TNS1: variants seen among roughly 807,000 people sequenced by gnomAD.
TNS1 encodes the protein tensin 1.
TNS1 carries 62 observed loss-of-function variants against 168.6 expected under a neutral mutation model. The ratio of observed to expected loss-of-function variants is 0.37; its 90% CI spans 0.30 to 0.45. The LOEUF (loss-of-function observed/expected upper bound fraction) is 0.45, where lower values mean the gene tolerates loss of function less well. Ranked by LOEUF, TNS1 falls within the 20% of genes least tolerant of loss-of-function variation. The pLI, the probability that TNS1 is intolerant of heterozygous loss-of-function variation, is 1.00. For missense variants in TNS1, 2,240 were observed against 2,339.4 expected (o/e 0.96, Z 0.88); for synonymous variants, 934 against 933.2 (o/e 1.00, Z -0.02).
intron 1 of TNS1, among the ~76,000 whole-genome samples, chr2:218,018,896 G>A (rs970439758): frequency 3.3e-5 from 5 of 152,120 alleles, no homozygotes; most frequent in Non-Finnish European, 7.4e-5. Flanking sequence ...TGCCCGCATG[G>A]TGAAACTCCA....
In TNS1 at chr2:217,986,599, T is replaced by G. The variant is rs1383574545; in HGVS notation, c.148+4343A>C. 1.3e-5 allele frequency: 2 copies of G among 152,180 alleles called. No individual in the cohort carries two copies. The highest frequency in any genetic ancestry group is 3.9e-4 in the East Asian group (2 of 5,194). The allele number at this position is 152,180 out of a possible 1,614,324, so 9.4% of individuals were successfully genotyped here. Reference sequence around the variant, plus strand: ...CATGGACTCCCATAGAGCACTTCCCTAGAGACCTGTGGGAAGCCGACTATT... The same window carrying G: ...CATGGACTCCCATAGAGCACTTCCCGAGAGACCTGTGGGAAGCCGACTATT... On this transcript the variant is annotated intron_variant, in intron 2 of 32. Transcript: ENST00000682258. This position sits in a 1 kb window ranked among gnomAD's most constrained non-coding sequence, Gnocchi z 4.7.
Position 217,817,955 on chromosome 2 carries a change from G to A in TNS1, c.4377C>T (p.Val1459=), listed in dbSNP as rs745978755. 6.2e-7 allele frequency: 1 copy of A among 1,608,770 alleles called. No individual in the cohort carries two copies. The highest frequency in any genetic ancestry group is 1.7e-5 in the Admixed American group (1 of 59,050). ...YQAPSTPSFP[V]SPAYYPGLSS... is the part of the protein sequence containing the mutation. ...TCAGGCCAGGGTAGTAGGCAGGGGA[G>A]ACAGGGAAGGAGGGCGTGGAAGGAG... The change falls in exon 24 of 33, where the codon GTC becomes GTT. Residue 1459 remains valine (V), a synonymous_variant. Transcript: ENST00000682258.
At chr2:217,854,357 G>A (rs1445149308) in intron 18 of TNS1, among the ~76,000 whole-genome samples, 1 of 152,216 alleles carries the variant, frequency 6.6e-6, no homozygotes, top group Non-Finnish European at 1.5e-5. Flanking sequence ...AGTGAAGACA[G>A]ACCCTTCCCT....
At position 217,817,748 on chromosome 2, in the gene TNS1, C is replaced by G; in HGVS notation, c.4584G>C (p.Gly1528=). 1.2e-6 allele frequency: 2 copies of G among 1,612,882 alleles called. No homozygotes were observed. Among genetic ancestry groups the G allele is most frequent in the South Asian group, 2.2e-5 (2 of 91,016 alleles). ...TGTGGGAGAAGGAGACGGTGCTGCC[C>G]CCACTGGGACTGGACATGCCGCTGG... is the stretch of plus-strand genomic sequence containing the variant. ...PVASGMSSPS[G]GSTVSFSHTL... Residue 1528 remains glycine, a synonymous_variant, in exon 24 of 33, where the codon GGG becomes GGC. Coordinates refer to ENST00000682258, the MANE Select transcript of TNS1 (RefSeq NM_001387777.1).
intron 2 of TNS1, among the ~76,000 whole-genome samples, chr2:217,982,473 A>G (rs1416934041): frequency 6.9e-6 from 1 of 145,640 alleles, no homozygotes; most frequent in African/African-American, 2.6e-5. Flanking sequence ...GCACAATCTC[A>G]GTTCACTGCA....
At chr2:218,010,939 C>G (rs962343839), upstream of TNS1, among the ~76,000 whole-genome samples, 1 of 152,180 alleles carries the variant, frequency 6.6e-6, no homozygotes, top group African/African-American at 2.4e-5. Flanking sequence ...CAACCTCTGA[C>G]CCTGGCCACA....
At chr2:218,007,570 G>GT (rs989643788), upstream of TNS1, among the ~76,000 whole-genome samples, 4 of 127,298 alleles carry the variant, frequency 3.1e-5, no homozygotes, top group Non-Finnish European at 6.9e-5. Flanking sequence ...GGGGGGTGGG[G>GT]GGGGGGGTTC....
intron 3 of TNS1, among the ~76,000 whole-genome samples, chr2:217,965,535 C>T (rs1957604243): frequency 6.6e-6 from 1 of 152,148 alleles, no homozygotes; most frequent in Non-Finnish European, 1.5e-5. Context: ...GCTTGGGAGG[C>T]TCAGAGAACT....
rs1204617850 is a variant in TNS1, at chr2:217,801,767, G to A, written c.*2692C>T. 2.0e-5 allele frequency: 3 copies of A among 152,302 alleles called. No individual in the cohort carries two copies. Among genetic ancestry groups the A allele is most frequent in the African/African-American group, 7.2e-5 (3 of 41,470 alleles). 9.4% of individuals were successfully genotyped at this position (152,302 alleles called of 1,614,324 possible). A position where few individuals can be genotyped will look rare whatever the true frequency, so the allele number is the denominator to read the frequency against. On this transcript the variant is annotated 3_prime_UTR_variant, in exon 33 of 33. Transcript: ENST00000682258. ...GAAGGGCTCTGGTGCAGGGCCCAGAGGTGGGGCCACTGTGGGGACTGGGGA... is the reference window on the plus strand; with the variant it reads ...GAAGGGCTCTGGTGCAGGGCCCAGAAGTGGGGCCACTGTGGGGACTGGGGA...
At chr2:217,895,118 A>G in intron 8 of TNS1, 62 bp from the exon 9 acceptor site, 2 of 1,506,026 alleles carry the variant, frequency 1.3e-6, no homozygotes, top group South Asian at 2.4e-5. Context: ...GCGAGGAGAG[A>G]GAGAACCATG....
upstream of TNS1, among the ~76,000 whole-genome samples, chr2:218,015,131 C>T (rs1958746321): frequency 1.3e-5 from 2 of 152,134 alleles, no homozygotes; most frequent in African/African-American, 2.4e-5. Flanking sequence ...TGAAACAGCT[C>T]CCCAATATAG....
At chr2:217,953,657 C>T (rs2125983785) in intron 3 of TNS1, among the ~76,000 whole-genome samples, 1 of 152,238 alleles carries the variant, frequency 6.6e-6, no homozygotes, top group South Asian at 2.1e-4. Context: ...GCCAAAGAGC[C>T]CGCTCCCACC....
At chr2:217,842,842 T>C (rs1253783306) in intron 19 of TNS1, among the ~76,000 whole-genome samples, 1 of 152,210 alleles carries the variant, frequency 6.6e-6, no homozygotes, top group African/African-American at 2.4e-5. Context: ...CTGCACTTGT[T>C]GCTCCATGGG....
intron 3 of TNS1, among the ~76,000 whole-genome samples, chr2:217,964,602 A>C (rs1957577864): frequency 6.6e-6 from 1 of 152,194 alleles, no homozygotes; most frequent in East Asian, 1.9e-4. Flanking sequence ...GCTAGGATAT[A>C]GGAGTTTTGG....
At chr2:217,973,174 C>T (rs1036863417) in intron 3 of TNS1, among the ~76,000 whole-genome samples, 1 of 151,766 alleles carries the variant, frequency 6.6e-6, no homozygotes. Context: ...AGCAACATGG[C>T]GAGACCCTGT....
At chr2:217,874,012 G>A (rs1266100421) in intron 18 of TNS1, among the ~76,000 whole-genome samples, 4 of 47,292 alleles carry the variant, frequency 8.5e-5, no homozygotes, top group South Asian at 7.4e-4. Flanking sequence ...CACCACCCCC[G>A]CCCCCCAACC....
At chr2:217,894,519 T>A (rs547380741) in intron 9 of TNS1, among the ~76,000 whole-genome samples, 1 of 152,130 alleles carries the variant, frequency 6.6e-6, no homozygotes, top group Non-Finnish European at 1.5e-5. Context: ...TAGCCAGGCA[T>A]GGTAGCACGT....
intron 3 of TNS1, among the ~76,000 whole-genome samples, chr2:217,968,238 A>G (rs914284305): frequency 6.6e-6 from 1 of 152,348 alleles, no homozygotes. Flanking sequence ...CGGGAACTAG[A>G]CAACAATTTC....
chr2:217,886,452 C>T, intron 13 of TNS1, 82 bp downstream of exon 13: 1 of 1,159,676 alleles, frequency 8.6e-7, no homozygotes, highest in Non-Finnish European at 1.3e-6. Context: ...TCTGTTACTA[C>T]CCAAGGTTGC....
Sources: gnomAD v4.1 joint callset for allele counts (sites outside exome capture counted in the v4.1 genomes callset) on GRCh38, gnomAD v4.1.1 for gene constraint, Gnocchi (gnomAD v3.1) non-coding constraint, MANE v1.5 for transcripts, NCBI Gene and HGNC (gene_info 2026-07-23, HGNC 2026-07-21) for gene names.